HEATR5B: variants seen among roughly 807,000 people sequenced by gnomAD.
HEATR5B encodes the protein HEAT repeat-containing protein 5B.
Under a neutral mutation model 224.1 loss-of-function variants are expected in HEATR5B, and 156 were observed. That is an observed-to-expected ratio of 0.70 (90% CI 0.61 to 0.80). HEATR5B has a LOEUF of 0.80. Ranked by LOEUF, HEATR5B falls within the 30% of genes least tolerant of loss-of-function variation. HEATR5B has a pLI of 0.00. For synonymous variants in HEATR5B, 1,027 were observed against 893.0 expected (o/e 1.15, Z -2.68); for missense variants, 2,323 against 2,535.5 (o/e 0.92, Z 1.80).
intron 18 of HEATR5B, among the ~76,000 whole-genome samples, chr2:37,047,186 A>AAAAT (rs1553316485): frequency 6.6e-6 from 1 of 151,834 alleles, no homozygotes; most frequent in African/African-American, 2.4e-5. Flanking sequence ...TCAAAAAAAA[A>AAAAT]AAATAAATAA....
chr2:37,003,716 G>A (rs778667103), intron 30 of HEATR5B, 30 bp from the exon 31 acceptor site: 2 of 1,478,366 alleles, frequency 1.4e-6, no homozygotes, highest in Non-Finnish European at 1.8e-6. Context: ...ATACAGTTAA[G>A]TAATTTCAAT....
intron 35 of HEATR5B, among the ~76,000 whole-genome samples, chr2:36,982,550 CTTAA>C: frequency 6.6e-6 from 1 of 152,140 alleles, no homozygotes; most frequent in African/African-American, 2.4e-5. Flanking sequence ...CGTTCTCCCC[CTTAA>C]TTACTGTTAA....
intron 16 of HEATR5B, among the ~76,000 whole-genome samples, chr2:37,054,190 CTGTTTTT>C (rs1670742141): frequency 1.1e-5 from 1 of 93,742 alleles, no homozygotes; most frequent in South Asian, 3.3e-4. Context: ...GATGATTTCT[CTGTTTTT>C]TTTTTTTTTT....
At chr2:36,986,951 C>T (rs969130886) in intron 35 of HEATR5B, among the ~76,000 whole-genome samples, 1 of 151,856 alleles carries the variant, frequency 6.6e-6, no homozygotes, top group African/African-American at 2.4e-5. Context: ...TGGGGTTCCA[C>T]CACGTTTGCC....
intron 13 of HEATR5B, 139 bp from the exon 14 acceptor site, chr2:37,058,699 C>A: frequency 1.4e-6 from 1 of 701,290 alleles, no homozygotes; most frequent in Non-Finnish European, 2.4e-6. Flanking sequence ...GTGATCTTTG[C>A]TGTAACAAAA....
intron 8 of HEATR5B, 85 bp downstream of exon 8, chr2:37,068,596 T>C (rs1302105583): frequency 2.1e-5 from 29 of 1,358,196 alleles, no homozygotes; most frequent in Non-Finnish European, 2.7e-5. Flanking sequence ...GATAAACTAA[T>C]CAGTCTTATG....
intron 18 of HEATR5B, among the ~76,000 whole-genome samples, chr2:37,045,842 T>C (rs1274403720): frequency 6.6e-6 from 1 of 152,246 alleles, no homozygotes; most frequent in Non-Finnish European, 1.5e-5. Flanking sequence ...CCTTTGTTTC[T>C]TTCCCATTCC....
intron 1 of HEATR5B, among the ~76,000 whole-genome samples, chr2:37,084,034 A>T (rs1205249370): frequency 2.0e-5 from 3 of 152,090 alleles, no homozygotes; most frequent in African/African-American, 7.2e-5. Flanking sequence ...GTCTGGCTTC[A>T]CCTGGCTACT....
At chr2:37,005,602 A>C (rs775760289) in intron 30 of HEATR5B, 30 bp downstream of exon 30, 1 of 1,600,734 alleles carries the variant, frequency 6.2e-7, no homozygotes, top group African/African-American at 1.3e-5. Flanking sequence ...AAAAAACCAC[A>C]CAAGTATCTA....
At chr2:37,055,096 G>A (rs918987590) in intron 16 of HEATR5B, 2 of 416,034 alleles carry the variant, frequency 4.8e-6, no homozygotes, top group Non-Finnish European at 5.0e-6. Flanking sequence ...TGTGCACTAA[G>A]AACAGCAGTA....
At chr2:37,016,173 C>T (rs372827464) in intron 26 of HEATR5B, among the ~76,000 whole-genome samples, 5 of 145,610 alleles carry the variant, frequency 3.4e-5, no homozygotes, top group African/African-American at 1.0e-4. Flanking sequence ...AGCGCAGTGG[C>T]GTGATTTTGG....
At chr2:37,042,383 T>C (rs1358632081) in intron 18 of HEATR5B, among the ~76,000 whole-genome samples, 1 of 152,162 alleles carries the variant, frequency 6.6e-6, no homozygotes, top group Non-Finnish European at 1.5e-5. Context: ...GAACAGGACC[T>C]AGTTTTAGGC....
Position 37,003,689 on chromosome 2 carries a change from A to G in HEATR5B, c.4906-3T>C. The G allele has an allele frequency of 3.2e-6, 5 of 1,564,466 alleles. No homozygotes were observed. Among genetic ancestry groups the G allele is most frequent in the South Asian group, 2.4e-5 (2 of 84,686 alleles). On this transcript the variant is annotated splice_polypyrimidine_tract_variant and splice_region_variant and intron_variant, in intron 30 of 35. Coordinates refer to ENST00000233099, the MANE Select transcript of HEATR5B (RefSeq NM_019024.3). ...CTCAGCAACTCAACACCTATCAGCT[A>G]ATACAAATAAATACAAATACAGTTA...
chr2:37,032,612 C>G lies in HEATR5B; in HGVS notation c.3361+17G>C. The stretch of plus-strand genomic sequence containing the variant: ...GTAGTTAAACAAAAAACAATATTGA[C>G]CAATAATATAACTTACTGGCACTAC... On this transcript the variant is annotated intron_variant, in intron 22 of 35. Transcript: ENST00000233099. 6.3e-7 allele frequency: 1 copy of G among 1,596,034 alleles called. No individual in the cohort carries two copies. The highest frequency in any genetic ancestry group is 8.5e-7 in the Non-Finnish European group (1 of 1,172,596).
chr2:36,985,812 T>G (rs1665916274), intron 35 of HEATR5B, among the ~76,000 whole-genome samples: 1 of 151,926 alleles, frequency 6.6e-6, no homozygotes, highest in Non-Finnish European at 1.5e-5. Flanking sequence ...TACAAATTGG[T>G]CTGGTTGATA....
intron 16 of HEATR5B, chr2:37,054,989 A>T (rs1345664670): frequency 7.9e-6 from 2 of 252,864 alleles, no homozygotes; most frequent in Non-Finnish European, 1.7e-5. Flanking sequence ...TCAAAGCATT[A>T]TTCAAAACTC....
intron 18 of HEATR5B, among the ~76,000 whole-genome samples, 186 bp from the exon 19 acceptor site, chr2:37,041,478 G>A (rs1669866152): frequency 6.6e-6 from 1 of 152,208 alleles, no homozygotes; most frequent in Admixed American, 6.5e-5. Context: ...TGGGTGTCAT[G>A]GCTCATGCCT....
intron 27 of HEATR5B, among the ~76,000 whole-genome samples, chr2:37,010,223 G>T (rs1667701229): frequency 6.6e-6 from 1 of 152,092 alleles, no homozygotes; most frequent in South Asian, 2.1e-4. Context: ...AGCAAGAAAA[G>T]AATTGCTCTA....
intron 11 of HEATR5B, among the ~76,000 whole-genome samples, chr2:37,061,683 A>G (rs1325362198): frequency 6.6e-6 from 1 of 152,216 alleles, no homozygotes. Flanking sequence ...TTTAAACACT[A>G]AACTCATCAG....
Sources: allele counts gnomAD v4.1 joint callset (sites outside exome capture counted in the v4.1 genomes callset), GRCh38; gene constraint gnomAD v4.1.1; transcripts MANE v1.5; gene names NCBI Gene and HGNC (gene_info 2026-07-23, HGNC 2026-07-21).